Variants in TSR1 observed in about 807,000 individuals in gnomAD.
TSR1 encodes TSR1 ribosome maturation factor.
TSR1 carries 81 observed loss-of-function variants against 90.9 expected under a neutral mutation model. The observed-to-expected ratio is 0.89, with a 90% confidence interval of 0.74 to 1.07. The LOEUF is 1.07. Ranked by LOEUF, TSR1 falls within the 50% of genes least tolerant of loss-of-function variation. The probability of loss-of-function intolerance (pLI) is 0.00; values close to 1 mark genes in which losing one functional copy is unlikely to be tolerated. For missense variants in TSR1, 989 were observed against 987.3 expected (o/e 1.00, Z -0.02); for synonymous variants, 362 against 348.8 (o/e 1.04, Z -0.42).
In TSR1 at chr17:2,335,904, C is replaced by T. The variant is rs1597281532; in HGVS notation, c.201+133G>A. On this transcript the variant is annotated intron_variant, in intron 2 of 14. Coordinates refer to ENST00000301364, the MANE Select transcript of TSR1 (RefSeq NM_018128.5). ...CTGACCAAAGCAAAGAATGCTAGAC[C>T]TGCACGCTCGACACGTGCTCTAGGG... is the stretch of plus-strand genomic sequence containing the variant. The T allele has an allele frequency of 5.7e-6, 7 of 1,232,156 alleles. No individual in the cohort carries two copies. The East Asian group carries it at 1.7e-4, about 29-fold the overall frequency. The allele number at this position is 1,232,156 out of a possible 1,614,324, so 76.3% of individuals were successfully genotyped here. A position where few individuals can be genotyped will look rare whatever the true frequency, so the allele number is the denominator to read the frequency against.
At chr17:2,325,816 T>C (rs143932148) in intron 11 of TSR1, among the ~76,000 whole-genome samples, 1 of 152,152 alleles carries the variant, frequency 6.6e-6, no homozygotes, top group Non-Finnish European at 1.5e-5. Context: ...TTTCACCATG[T>C]TGGCCAGGCT....
intron 11 of TSR1, among the ~76,000 whole-genome samples, chr17:2,327,489 T>C (rs1278175560): frequency 6.6e-6 from 1 of 151,824 alleles, no homozygotes; most frequent in Non-Finnish European, 1.5e-5. Context: ...CCTGCCTCAG[T>C]CTCTGCAACT....
In TSR1 at chr17:2,323,696, T is replaced by G; in HGVS notation, c.*500A>C. ...TGTGGGAGAGGATGAAACTACTCAT[T>G]GAACCTACAGCTGGTGTTGGAGTGG... is the stretch of plus-strand genomic sequence containing the variant. On this transcript the variant is annotated 3_prime_UTR_variant, in exon 15 of 15. Coordinates refer to ENST00000301364, the MANE Select transcript of TSR1 (RefSeq NM_018128.5). 1 of 1,614,186 alleles carries G rather than the reference T, an allele frequency of 6.2e-7. No homozygotes were observed. Among genetic ancestry groups the G allele is most frequent in the Non-Finnish European group, 8.5e-7 (1 of 1,180,026 alleles).
In TSR1 at chr17:2,335,625, G is replaced by T; in HGVS notation, c.307C>A (p.Leu103Ile). 2.5e-6 allele frequency: 4 copies of T among 1,614,172 alleles called. No individual in the cohort carries two copies. The highest frequency in any genetic ancestry group is 2.5e-6 in the Non-Finnish European group (3 of 1,180,038). The change falls in exon 3 of 15, where the codon CTT becomes ATT. Residue 103 changes from leucine to isoleucine, a missense_variant. Coordinates refer to ENST00000301364, the MANE Select transcript of TSR1 (RefSeq NM_018128.5). ...RISLPEAMQL[L>I]QDRDTGTVHL... ...ACTGTTCCAGTGTCCCTATCTTGAA[G>T]CAGCTGCATGGCCTCTGGCAGGGAA...
intron 10 of TSR1, chr17:2,330,294 A>T (rs750135008): frequency 1.5e-6 from 1 of 675,592 alleles, no homozygotes; most frequent in South Asian, 1.4e-5. Flanking sequence ...AAGTCTCAGA[A>T]CCACACAGAG....
intron 5 of TSR1, among the ~76,000 whole-genome samples, chr17:2,334,056 T>A (rs1190516172): frequency 6.6e-6 from 1 of 152,304 alleles, no homozygotes; most frequent in East Asian, 1.9e-4. Flanking sequence ...TATTCTTTTA[T>A]CCCTCTTCAA....
intron 11 of TSR1, among the ~76,000 whole-genome samples, chr17:2,328,538 G>A (rs1258272034): frequency 2.7e-5 from 4 of 150,926 alleles, no homozygotes; most frequent in Admixed American, 6.6e-5. Flanking sequence ...GCAGTGAGCC[G>A]AGATCACGCT....
At chr17:2,331,592 G>T (rs762325518) in intron 8 of TSR1, among the ~76,000 whole-genome samples, 4 of 152,256 alleles carry the variant, frequency 2.6e-5, no homozygotes, top group East Asian at 3.9e-4. Flanking sequence ...TGCCATGATT[G>T]TAAGTTTCTT....
rs571581455 is a variant in TSR1, at chr17:2,336,113, T to A, written c.125A>T (p.Lys42Met). Residue 42 changes from lysine to methionine, a missense_variant, in exon 2 of 15, where the codon AAG (lysine) becomes ATG (methionine). By Grantham distance (95) the Lys-to-Met change is moderately conservative (BLOSUM62 -1). Transcript: ENST00000301364. Reference sequence around the variant, plus strand: ...TCTGCTGAGTTCTTTTCTCACCTTCTTGCTTAGGGTTTTCAGTGCCAGACG... The same window carrying A: ...TCTGCTGAGTTCTTTTCTCACCTTCATGCTTAGGGTTTTCAGTGCCAGACG... Reference protein sequence around the residue: ...KGRLALKTLSKKVRKELSRVD... With the variant: ...KGRLALKTLSMKVRKELSRVD... 1 of 1,614,176 alleles carries A rather than the reference T, an allele frequency of 6.2e-7. No individual in the cohort carries two copies.
Position 2,330,400 on chromosome 17 carries a change from G to A in TSR1, c.1770+115C>T, listed in dbSNP as rs752789180. 6.9e-6 allele frequency: 6 copies of A among 868,466 alleles called. No individual in the cohort carries two copies. The South Asian group carries it at 8.0e-5, about 12-fold the overall frequency. The allele number at this position is 868,466 out of a possible 1,614,324, so 53.8% of individuals were successfully genotyped here. A position where few individuals can be genotyped will look rare whatever the true frequency, so the allele number is the denominator to read the frequency against. On this transcript the variant is annotated intron_variant, in intron 10 of 14. Coordinates refer to ENST00000301364, the MANE Select transcript of TSR1 (RefSeq NM_018128.5). ...TCTCCAATTCCTAATCATAAAGGCA[G>A]ACTTTTTGCATCCCAATGAGCAAAA...
chr17:2,324,534 C>G lies in TSR1; in HGVS notation c.2206G>C (p.Gly736Arg), dbSNP rs2075562625. 2 of 1,614,126 alleles carry G rather than the reference C, an allele frequency of 1.2e-6. No individual in the cohort carries two copies. The highest frequency in any genetic ancestry group is 3.3e-5 in the Admixed American group (2 of 60,004). The part of the protein sequence containing the change: ...FKPVELRTKW[G>R]RRGHIKEPLG... The stretch of plus-strand genomic sequence containing the variant: ...GGTTCCTTGATATGTCCTCTCCGGC[C>G]CCACTTCGTTCTCAGTTCCACTGGT... The change falls in exon 14 of 15, where the codon GGC (glycine) becomes CGC (arginine). Residue 736 changes from glycine (G) to arginine (R), a missense_variant. By Grantham distance (125) the Gly-to-Arg change is moderately radical (BLOSUM62 -2). Transcript: ENST00000301364.
At chr17:2,325,496 T>C (rs1342530720) in intron 11 of TSR1, 76 bp from the exon 12 acceptor site, 1 of 1,139,804 alleles carries the variant, frequency 8.8e-7, no homozygotes, top group East Asian at 2.4e-5. Flanking sequence ...TGAAAAGCTG[T>C]ATTAGTGCAA....
chr17:2,330,797 C>G, intron 9 of TSR1, 150 bp downstream of exon 9: 3 of 994,522 alleles, frequency 3.0e-6, no homozygotes, highest in South Asian at 1.7e-5. Context: ...ATAGCTGATA[C>G]CTCTTTGTTC....
In TSR1 at chr17:2,329,480, G is replaced by T. The variant is rs774202633; in HGVS notation, c.1771-5C>A. ...CACCATATTCAATACTGACATCTGG[G>T]GACCAAGTAAGAAAAACAAAAATCT... On this transcript the variant is annotated splice_region_variant and splice_polypyrimidine_tract_variant and intron_variant, in intron 10 of 14. Transcript: ENST00000301364. 1 of 1,613,136 alleles carries T rather than the reference G, an allele frequency of 6.2e-7. No individual in the cohort carries two copies. The highest frequency in any genetic ancestry group is 8.5e-7 in the Non-Finnish European group (1 of 1,179,742).
At chr17:2,334,375 C>T in intron 5 of TSR1, 97 bp downstream of exon 5, 2 of 1,291,520 alleles carry the variant, frequency 1.5e-6, no homozygotes, top group Non-Finnish European at 2.2e-6. Context: ...CTAGCAGTCT[C>T]CTCATTCACC....
At chr17:2,335,449 A>AAG (rs2064051340) in intron 3 of TSR1, 55 bp from the exon 4 acceptor site, 1 of 547,430 alleles carries the variant, frequency 1.8e-6, no homozygotes, top group Admixed American at 3.7e-5. Flanking sequence ...CATTATTCTA[A>AAG]AAAAAAAAAA....
intron 11 of TSR1, among the ~76,000 whole-genome samples, chr17:2,327,392 T>C (rs1451064966): frequency 6.8e-6 from 1 of 146,280 alleles, no homozygotes; most frequent in Non-Finnish European, 1.5e-5. Context: ...ACTCCAGCCT[T>C]GGTGACAGAG....
rs1274953890 is a variant in TSR1, at chr17:2,329,362, T to A, written c.1884A>T (p.Leu628Phe). 6.2e-7 allele frequency: 1 copy of A among 1,614,128 alleles called. No individual in the cohort carries two copies. The highest frequency in any genetic ancestry group is 8.5e-7 in the Non-Finnish European group (1 of 1,180,028). ...GCTAACCTGCAGTGTGCTGAGAGAA[T>A]AAAGGTGAGGCTCGGAAGCGCCTGA... ...CGFRRFRASP[L>F]FSQHTAADKH... The change falls in exon 11 of 15, where the codon TTA becomes TTT. Residue 628 changes from leucine (L) to phenylalanine (F), a missense_variant. By Grantham distance (22) the Leu-to-Phe change is conservative. Transcript: ENST00000301364.
In TSR1 at chr17:2,331,047, A is replaced by T; in HGVS notation, c.1559T>A (p.Leu520His). ...AAATATTCGAGCATAATCTTGAGGA[A>T]GGTTTTCCTTAGGATCCCATGGAGA... Reference protein sequence around the residue: ...RTSPWDPKENLPQDYARIFQF... With the variant: ...RTSPWDPKENHPQDYARIFQF... The change falls in exon 9 of 15, where the codon CTT (leucine) becomes CAT (histidine). Residue 520 changes from leucine (L) to histidine (H), a missense_variant. Physicochemically the swap from Leu to His is moderately conservative, Grantham distance 99. Coordinates refer to ENST00000301364, the MANE Select transcript of TSR1 (RefSeq NM_018128.5). 2 of 1,611,900 alleles carry T rather than the reference A, an allele frequency of 1.2e-6. No individual in the cohort carries two copies. Among genetic ancestry groups the T allele is most frequent in the African/African-American group, 1.3e-5 (1 of 74,870 alleles).
Sources: gnomAD v4.1 joint callset for allele counts (sites outside exome capture counted in the v4.1 genomes callset) on GRCh38, gnomAD v4.1.1 for gene constraint, MANE v1.5 for transcripts, NCBI Gene and HGNC (gene_info 2026-07-23, HGNC 2026-07-21) for gene names.